The following VGLL4 variants were observed in gnomAD, a reference collection of about 807,000 sequenced individuals.
VGLL4 encodes transcription cofactor vestigial-like protein 4.
VGLL4 carries 7 observed loss-of-function variants against 21.0 expected under a neutral mutation model. The observed-to-expected ratio is 0.33, with a 90% CI of 0.19 to 0.63. VGLL4 has a LOEUF of 0.63. Among genes scored for constraint, VGLL4 ranks in the 20% least tolerant of loss-of-function variants. The pLI is 0.78. For synonymous variants in VGLL4, 222 were observed against 173.2 expected, an observed-to-expected ratio of 1.28 and a Z score of -2.21; for missense variants, 394 against 425.7, an observed-to-expected ratio of 0.93 and a Z score of 0.66.
Position 11,558,248 on chromosome 3 carries a change from G to GA in VGLL4, c.*307_*308insT. On this transcript the variant is annotated 3_prime_UTR_variant, in exon 5 of 5. Coordinates refer to ENST00000430365, the MANE Select transcript of VGLL4 (RefSeq NM_001128219.3). ...CTTGTGACTGAGAAAGCGCTGTGGA[G>GA]TCCTGGCCCCGTCGGGGCAGCAGAC... is the stretch of plus-strand genomic sequence containing the variant. 4.3e-6 allele frequency: 2 copies of GA among 469,932 alleles called. No homozygotes were observed. The highest frequency in any genetic ancestry group is 3.1e-5 in the South Asian group (1 of 32,650). The allele number at this position is 469,932 out of a possible 1,614,324, so 29.1% of individuals were successfully genotyped here.
intron 2 of VGLL4, among the ~76,000 whole-genome samples, chr3:11,596,255 A>G (rs1185368835): frequency 1.3e-5 from 2 of 152,264 alleles, no homozygotes; most frequent in Non-Finnish European, 2.9e-5. Context: ...GCAAACAGAA[A>G]TGAATGAACC....
chr3:11,693,387 C>A (rs1386924032), intron 2 of VGLL4, among the ~76,000 whole-genome samples: 1 of 152,034 alleles, frequency 6.6e-6, no homozygotes, highest in African/African-American at 2.4e-5. Context: ...ACCATATGCA[C>A]CAAATGGTAG....
chr3:11,589,049 G>C (rs555511072), intron 2 of VGLL4, among the ~76,000 whole-genome samples: 1 of 152,190 alleles, frequency 6.6e-6, no homozygotes, highest in African/African-American at 2.4e-5. Context: ...ACAGAGGTGG[G>C]AGGGGACCAC....
intron 2 of VGLL4, among the ~76,000 whole-genome samples, chr3:11,673,802 T>G (rs1172300139): frequency 6.6e-6 from 1 of 151,850 alleles, no homozygotes; most frequent in Non-Finnish European, 1.5e-5. Context: ...TCACTTGAGG[T>G]CAGGGGTTCG....
intron 1 of VGLL4, among the ~76,000 whole-genome samples, chr3:11,707,143 C>A (rs1362784623): frequency 1.4e-5 from 2 of 146,390 alleles, no homozygotes; most frequent in Non-Finnish European, 3.0e-5. Context: ...TAGTGAGACC[C>A]CATTTCTAAA....
chr3:11,706,604 G>A (rs975031369), intron 1 of VGLL4, among the ~76,000 whole-genome samples: 7 of 152,182 alleles, frequency 4.6e-5, no homozygotes, highest in Non-Finnish European at 2.9e-5. Context: ...TTGTGGATGC[G>A]TGTGTGTTTC....
intron 1 of VGLL4, among the ~76,000 whole-genome samples, chr3:11,620,912 T>TTG (rs2075255309): frequency 6.6e-6 from 1 of 152,180 alleles, no homozygotes; most frequent in South Asian, 2.1e-4. Context: ...CAATTCCAGA[T>TTG]TGTCAGCTCC....
chr3:11,681,628 T>C (rs2076372495), intron 2 of VGLL4, among the ~76,000 whole-genome samples: 1 of 152,242 alleles, frequency 6.6e-6, no homozygotes, highest in Non-Finnish European at 1.5e-5. Context: ...AAAAAAATGT[T>C]TTACTATATA....
intron 1 of VGLL4, among the ~76,000 whole-genome samples, chr3:11,624,549 T>C (rs1261993338): frequency 6.6e-6 from 1 of 152,146 alleles, no homozygotes; most frequent in Non-Finnish European, 1.5e-5. Flanking sequence ...TGTTTGCCTC[T>C]TGAGAGATCA....
chr3:11,578,970 A>G (rs1013061525), intron 2 of VGLL4, among the ~76,000 whole-genome samples: 10 of 151,996 alleles, frequency 6.6e-5, no homozygotes, highest in South Asian at 2.1e-4. Context: ...GGATGGTCTC[A>G]ATTTCCTGAC....
At chr3:11,606,746 C>A (rs1282881869) in intron 1 of VGLL4, among the ~76,000 whole-genome samples, 1 of 152,096 alleles carries the variant, frequency 6.6e-6, no homozygotes, top group Admixed American at 6.5e-5. Context: ...GTAAAATGGA[C>A]CAATGAGCAG....
chr3:11,610,817 C>G (rs552940100), intron 1 of VGLL4: 4 of 152,320 alleles, frequency 2.6e-5, no homozygotes, highest in Admixed American at 6.5e-5. Flanking sequence ...TTTGTAGAAG[C>G]CTTCCTGTAT....
In VGLL4 at chr3:11,699,096, T is replaced by C. The variant is rs961686095; in HGVS notation, c.64+3875A>G. 2.0e-5 allele frequency among the ~76,000 whole-genome samples: 3 copies of C among 152,082 alleles called. No homozygotes were observed. The South Asian group carries it at 6.2e-4, about 32-fold the overall frequency. On this transcript the variant is annotated intron_variant, in intron 2 of 5. Coordinates refer to the VGLL4 transcript ENST00000273038. ...AGGAGAACGTTAACCTCCCCTAAAG[T>C]CTGAGAGCAATTTACAACAAAAGCT... is the stretch of plus-strand genomic sequence containing the variant.
At chr3:11,718,856 C>A (rs989969532) in intron 1 of VGLL4, among the ~76,000 whole-genome samples, 6 of 152,154 alleles carry the variant, frequency 3.9e-5, no homozygotes, top group South Asian at 2.1e-4. Context: ...AAACATACAG[C>A]ACCGACGATC....
chr3:11,578,428 T>A (rs1337454346), intron 2 of VGLL4, among the ~76,000 whole-genome samples: 2 of 152,180 alleles, frequency 1.3e-5, no homozygotes, highest in Admixed American at 1.3e-4. Context: ...CGCCTTCCCA[T>A]GGTCCAGCCC....
At chr3:11,691,897 G>A (rs1199140326) in intron 2 of VGLL4, among the ~76,000 whole-genome samples, 1 of 150,642 alleles carries the variant, frequency 6.6e-6, no homozygotes, top group African/African-American at 2.4e-5. Flanking sequence ...GACAGCACTG[G>A]AGATGTTCAC....
At chr3:11,665,101 C>CTTTTCTTTTTT (rs2076097523) in intron 2 of VGLL4, among the ~76,000 whole-genome samples, 2 of 96,950 alleles carry the variant, frequency 2.1e-5, no homozygotes, top group African/African-American at 9.8e-5. Flanking sequence ...GAATATTTTT[C>CTTTTCTTTTTT]TTTTTTTTTT....
At chr3:11,616,914 T>C (rs184727719) in intron 1 of VGLL4, among the ~76,000 whole-genome samples, 2 of 152,302 alleles carry the variant, frequency 1.3e-5, no homozygotes, top group African/African-American at 4.8e-5. Flanking sequence ...GCTCTTGAAA[T>C]GGGTGAATTG....
intron 1 of VGLL4, among the ~76,000 whole-genome samples, chr3:11,711,076 G>A (rs1056592604): frequency 2.7e-5 from 4 of 149,272 alleles, no homozygotes; most frequent in African/African-American, 7.5e-5. Context: ...CTCAGCCTGA[G>A]CAACAGAGTG....
Sources: gnomAD v4.1 joint callset for allele counts (sites outside exome capture counted in the v4.1 genomes callset) on GRCh38, gnomAD v4.1.1 for gene constraint, MANE v1.5 for transcripts, NCBI Gene and HGNC (gene_info 2026-07-23, HGNC 2026-07-21) for gene names.